PCIF1: variants seen among roughly 807,000 people sequenced by gnomAD.
PCIF1 encodes the protein mRNA (2'-O-methyladenosine-N(6)-)-methyltransferase.
Under a neutral mutation model 86.9 loss-of-function variants are expected in PCIF1, and 12 were observed. The observed-to-expected ratio is 0.14, with a 90% CI of 0.09 to 0.22. The LOEUF (loss-of-function observed/expected upper bound fraction) is 0.22, where lower values mean the gene tolerates loss of function less well. Among genes scored for constraint, PCIF1 ranks in the 10% least tolerant of loss-of-function variants. PCIF1 has a pLI of 1.00. For synonymous variants in PCIF1, 397 were observed against 372.0 expected (o/e 1.07, Z -0.77); for missense variants, 701 against 951.1 (o/e 0.74, Z 3.46).
At chr20:45,940,348 C>CTG in intron 4 of PCIF1, 127 bp from the exon 5 acceptor site, 8 of 1,233,462 alleles carry the variant, frequency 6.5e-6, no homozygotes, top group Non-Finnish European at 8.6e-6. Flanking sequence ...TGTTCTCTGC[C>CTG]TGTATCCCAG....
At chr20:45,944,145 T>C (rs1231720424) in intron 10 of PCIF1, among the ~76,000 whole-genome samples, 1 of 152,110 alleles carries the variant, frequency 6.6e-6, no homozygotes, top group Non-Finnish European at 1.5e-5. Flanking sequence ...TCAGATTCAA[T>C]TCCCTACTCT....
In PCIF1 at chr20:45,947,587, C is replaced by T. The variant is rs747205560; in HGVS notation, c.1947C>T (p.Gly649=). The T allele has an allele frequency of 1.3e-5, 21 of 1,613,394 alleles. No individual in the cohort carries two copies. Among genetic ancestry groups the T allele is most frequent in the Non-Finnish European group, 1.6e-5 (19 of 1,180,026 alleles). The part of the protein sequence containing the change: ...TAVLFLQNDP[G]FAKWAPTPER... The stretch of plus-strand genomic sequence containing the variant: ...TGCTCTTCCTACAGAACGACCCTGG[C>T]TTTGCCAAGTGGGCGCCGACGCCTG... The change falls in exon 17 of 17, where the codon GGC becomes GGT. Residue 649 remains glycine (G), a synonymous_variant. Coordinates refer to ENST00000372409, the MANE Select transcript of PCIF1 (RefSeq NM_022104.4). This position sits in a 1 kb window ranked among gnomAD's most constrained non-coding sequence, Gnocchi z 5.4.
intron 11 of PCIF1, among the ~76,000 whole-genome samples, chr20:45,945,388 T>TA (rs1369927488): frequency 1.3e-5 from 2 of 152,158 alleles, no homozygotes; most frequent in Non-Finnish European, 1.5e-5. Context: ...TCGTCGCTAT[T>TA]ACGATGACGG....
chr20:45,935,086 CG>C (rs1568788477), intron 1 of PCIF1, among the ~76,000 whole-genome samples: 3 of 150,878 alleles, frequency 2.0e-5, no homozygotes, highest in South Asian at 2.1e-4. Context: ...CGCCTCAGCC[CG>C]GGGGCGGGAG....
At chr20:45,942,830 C>G (rs2145332680) in intron 7 of PCIF1, among the ~76,000 whole-genome samples, 1 of 123,160 alleles carries the variant, frequency 8.1e-6, no homozygotes, top group East Asian at 2.6e-4. Context: ...CCAGGCCGGT[C>G]TTGAACTCAT....
intron 10 of PCIF1, among the ~76,000 whole-genome samples, chr20:45,944,133 C>T (rs2083500562): frequency 6.6e-6 from 1 of 152,006 alleles, no homozygotes; most frequent in Non-Finnish European, 1.5e-5. Context: ...TAAGAGCTAC[C>T]ATCAGATTCA....
intron 1 of PCIF1, among the ~76,000 whole-genome samples, chr20:45,935,392 A>G (rs1328670427): frequency 6.6e-6 from 1 of 152,214 alleles, no homozygotes; most frequent in East Asian, 1.9e-4. Context: ...GCGCAGATAG[A>G]GTTGTTTATC....
In PCIF1 at chr20:45,943,800, G is replaced by T; in HGVS notation, c.1005+35G>T. 1 of 1,517,198 alleles carries T rather than the reference G, an allele frequency of 6.6e-7. No homozygotes were observed. The highest frequency in any genetic ancestry group is 8.9e-7 in the Non-Finnish European group (1 of 1,117,972). 94.0% of individuals were successfully genotyped at this position (1,517,198 alleles called of 1,614,324 possible). On this transcript the variant is annotated intron_variant, in intron 10 of 16. Coordinates refer to ENST00000372409, the MANE Select transcript of PCIF1 (RefSeq NM_022104.4). This position sits in a 1 kb window ranked among gnomAD's most constrained non-coding sequence, Gnocchi z 5.5. ...TCCCCGGGTGAGAAGGCCAGTTTTA[G>T]GGCTCTGTGGCCACTTCCTCCAGGA...
intron 7 of PCIF1, among the ~76,000 whole-genome samples, chr20:45,941,585 G>A (rs1455827547): frequency 4.0e-5 from 6 of 151,894 alleles, no homozygotes; most frequent in Admixed American, 2.6e-4. Context: ...TCAGCCTCCC[G>A]AGTAGCGGGA....
intron 10 of PCIF1, among the ~76,000 whole-genome samples, chr20:45,944,480 T>C (rs1009969891): frequency 6.6e-6 from 1 of 152,232 alleles, no homozygotes; most frequent in Non-Finnish European, 1.5e-5. Context: ...ATTGTGTCTT[T>C]CCCCAATAGA....
rs1330548775 is a variant in PCIF1 at position 45,944,879 on chromosome 20, G to A, written c.1017G>A (p.Glu339=). 6.2e-7 allele frequency: 1 copy of A among 1,613,536 alleles called. No homozygotes were observed. Among genetic ancestry groups the A allele is most frequent in the Non-Finnish European group, 8.5e-7 (1 of 1,179,704 alleles). The change falls in exon 11 of 17, where the codon GAG becomes GAA. Residue 339 remains glutamate (E), a synonymous_variant. Coordinates refer to ENST00000372409, the MANE Select transcript of PCIF1 (RefSeq NM_022104.4). The part of the protein sequence containing the change: ...ASKEDYMDRL[E]HLRRQCGPHV... The stretch of plus-strand genomic sequence containing the variant: ...AATGTGTCCTCTAGGATCGCCTGGA[G>A]CATCTGCGGAGGCAGTGTGGCCCCC...
At chr20:45,935,486 G>A (rs1040349284) in intron 1 of PCIF1, among the ~76,000 whole-genome samples, 3 of 152,124 alleles carry the variant, frequency 2.0e-5, no homozygotes, top group African/African-American at 7.2e-5. Context: ...CTTAAGAGCA[G>A]TTATGTCTTA....
At chr20:45,937,357 C>T (rs75734759) in intron 1 of PCIF1, 61 bp from the exon 2 acceptor site, 287 of 399,132 alleles carry the variant, frequency 7.2e-4, no homozygotes, top group African/African-American at 5.2e-3. Flanking sequence ...GTTTTTGTCC[C>T]TCTTGTCCCT....
At chr20:45,934,990 G>A (rs1338483756) in intron 1 of PCIF1, among the ~76,000 whole-genome samples, 186 bp downstream of exon 1, 1 of 152,002 alleles carries the variant, frequency 6.6e-6, no homozygotes, top group Non-Finnish European at 1.5e-5. Context: ...AGGGAGGTGG[G>A]CCCGGAGAGC....
At position 45,943,328 on chromosome 20, in the gene PCIF1, T is replaced by A; in HGVS notation, c.822-12T>A. ...ATAGAAGGCCTCTAACTCTGCCCAC[T>A]CTGAAACGCAGGTTATCCCGAATCA... On this transcript the variant is annotated splice_polypyrimidine_tract_variant and intron_variant, in intron 8 of 16. Transcript: ENST00000372409. This position sits in a 1 kb window ranked among gnomAD's most constrained non-coding sequence, Gnocchi z 5.5. 1 of 1,614,002 alleles carries A rather than the reference T, an allele frequency of 6.2e-7. No homozygotes were observed. The highest frequency in any genetic ancestry group is 8.5e-7 in the Non-Finnish European group (1 of 1,179,890).
chr20:45,935,087 G>GGGGGCGGGAGCGCGCGGC (rs907167987), intron 1 of PCIF1, among the ~76,000 whole-genome samples: 6 of 151,558 alleles, frequency 4.0e-5, no homozygotes, highest in Non-Finnish European at 7.4e-5. Flanking sequence ...GCCTCAGCCC[G>GGGGGCGGGAGCGCGCGGC]GGGGCGGGAG....
At chr20:45,935,070 C>CT (rs1378026523) in intron 1 of PCIF1, among the ~76,000 whole-genome samples, 3 of 151,762 alleles carry the variant, frequency 2.0e-5, no homozygotes, top group Non-Finnish European at 4.4e-5. Flanking sequence ...GGCTCCGACT[C>CT]TGAGTCGCCT....
At chr20:45,945,157 G>T in intron 11 of PCIF1, 127 bp downstream of exon 11, 1 of 1,150,036 alleles carries the variant, frequency 8.7e-7, no homozygotes, top group Non-Finnish European at 1.2e-6. Context: ...GTGTCCTTTG[G>T]CTGTACTTCT....
At chr20:45,942,580 G>C (rs1338120135) in intron 7 of PCIF1, among the ~76,000 whole-genome samples, 1 of 151,924 alleles carries the variant, frequency 6.6e-6, no homozygotes, top group Non-Finnish European at 1.5e-5. Flanking sequence ...CTCCTGAAGT[G>C]CTGGGATTAC....
Sources: gnomAD v4.1 joint callset for allele counts (sites outside exome capture counted in the v4.1 genomes callset) on GRCh38, gnomAD v4.1.1 for gene constraint, Gnocchi (gnomAD v3.1) non-coding constraint, MANE v1.5 for transcripts, NCBI Gene and HGNC (gene_info 2026-07-23, HGNC 2026-07-21) for gene names.